DOCK1: variants seen among roughly 807,000 people sequenced by gnomAD.
DOCK1 encodes the protein dedicator of cytokinesis protein 1.
DOCK1 carries 138 observed loss-of-function variants against 262.7 expected under a neutral mutation model. That is an observed-to-expected ratio of 0.53 (90% CI 0.46 to 0.61). The LOEUF is 0.61. Among genes scored for constraint, DOCK1 ranks in the 20% least tolerant of loss-of-function variants. The probability of loss-of-function intolerance (pLI) is 0.00; values close to 1 mark genes in which losing one functional copy is unlikely to be tolerated. For missense variants in DOCK1, 1,908 were observed against 2,370.7 expected (o/e 0.80, Z 4.05); for synonymous variants, 866 against 867.4 (o/e 1.00, Z 0.03).
At chr10:127,320,721 G>A (rs1334567985) in intron 29 of DOCK1, among the ~76,000 whole-genome samples, 1 of 152,158 alleles carries the variant, frequency 6.6e-6, no homozygotes, top group Non-Finnish European at 1.5e-5. Context: ...CATTCACTTA[G>A]GCACTTGCTT....
At chr10:127,199,916 C>T (rs561124295) in intron 27 of DOCK1, among the ~76,000 whole-genome samples, 23 of 152,298 alleles carry the variant, frequency 1.5e-4, no homozygotes, top group Admixed American at 1.3e-3. Context: ...TGTGATTAAC[C>T]TGTATCCTCT....
chr10:127,354,860 C>G (rs2064062839), intron 32 of DOCK1, 133 bp downstream of exon 32: 1 of 1,041,732 alleles, frequency 9.6e-7, no homozygotes, highest in South Asian at 1.6e-5. Context: ...AGTTGCTACT[C>G]TTTGTAGTAA....
intron 1 of DOCK1, among the ~76,000 whole-genome samples, chr10:126,926,255 C>T (rs954869644): frequency 2.8e-5 from 4 of 145,158 alleles, no homozygotes; most frequent in Non-Finnish European, 6.1e-5. Flanking sequence ...TTCTTTCTTT[C>T]TTTTTTTTTT....
In DOCK1 at chr10:127,044,273, C is replaced by T. The variant is rs552574860; in HGVS notation, c.2201+1109C>T. ...CCTCCTGAAGCCAGCTGTTAATATACCCTGGTCCTGCACCTGGATTCTTTC... is the reference window on the plus strand; with the variant it reads ...CCTCCTGAAGCCAGCTGTTAATATATCCTGGTCCTGCACCTGGATTCTTTC... On this transcript the variant is annotated intron_variant, in intron 21 of 51. Transcript: ENST00000623213. Among the ~76,000 whole-genome samples, 159 of 152,246 alleles carry T rather than the reference C, an allele frequency of 1.0e-3. 1 individual carries two copies. The highest frequency in any genetic ancestry group is 3.5e-3 in the African/African-American group (146 of 41,544).
At chr10:127,015,361 C>T (rs536091153) in intron 12 of DOCK1, among the ~76,000 whole-genome samples, 1 of 152,192 alleles carries the variant, frequency 6.6e-6, no homozygotes, top group East Asian at 1.9e-4. Flanking sequence ...GCCCCCTCTG[C>T]CCCCGTCTCC....
chr10:127,196,062 C>A (rs1297920937), intron 27 of DOCK1: 1 of 152,158 alleles, frequency 6.6e-6, no homozygotes, highest in Non-Finnish European at 1.5e-5. Flanking sequence ...TCGCTGCGGA[C>A]CCTGGCAAGC....
At chr10:126,990,665 G>C (rs573258856) in intron 6 of DOCK1, 62 bp downstream of exon 6, 2 of 1,529,282 alleles carry the variant, frequency 1.3e-6, no homozygotes, top group South Asian at 2.6e-5. Context: ...ATCACTATAA[G>C]TCTTCAGGAG....
Position 127,402,739 on chromosome 10 carries a change from G to A in DOCK1, c.3928-316G>A, listed in dbSNP as rs753614987. 22 of 550,656 alleles carry A rather than the reference G, an allele frequency of 4.0e-5. No homozygotes were observed. The Middle Eastern group carries it at 1.2e-3, about 30-fold the overall frequency. The allele number at this position is 550,656 out of a possible 1,614,324, so 34.1% of individuals were successfully genotyped here. Reference sequence around the variant, plus strand: ...GCTCCAAGGCTGCTCCGACAGACGGGCTTCGGGCCACAGCTGGCAGCAGGA... The same window carrying A: ...GCTCCAAGGCTGCTCCGACAGACGGACTTCGGGCCACAGCTGGCAGCAGGA... On this transcript the variant is annotated intron_variant, in intron 38 of 51. Transcript: ENST00000623213.
At chr10:126,977,343 G>A (rs2134769294) in intron 2 of DOCK1, among the ~76,000 whole-genome samples, 1 of 152,308 alleles carries the variant, frequency 6.6e-6, no homozygotes, top group East Asian at 1.9e-4. Flanking sequence ...CTTGGAAGGA[G>A]CGAGAAGTGG....
chr10:127,355,758 C>G (rs1279566057), intron 32 of DOCK1, among the ~76,000 whole-genome samples: 1 of 152,216 alleles, frequency 6.6e-6, no homozygotes, highest in African/African-American at 2.4e-5. Context: ...GCACCCCAGC[C>G]TGCTTACTTC....
In DOCK1 at chr10:126,996,866, A is replaced by G. The variant is rs2040233543; in HGVS notation, c.592A>G (p.Arg198Gly). Residue 198 changes from arginine to glycine, a missense_variant, in exon 7 of 52, where the codon AGG (arginine) becomes GGG (glycine). Around this residue, in one of 9 missense-constraint regions of DOCK1, gnomAD observed 227 missense variants for 254.1 expected, o/e 0.89. Transcript: ENST00000623213. The part of the protein sequence containing the change: ...HEIASKQVEE[R>G]LQEEKSQKQN... ...AATAGCTTCTAAACAAGTGGAGGAA[A>G]GGTTACAAGAGGAAAAAGTAAGTTT... The G allele has an allele frequency of 1.9e-6, 3 of 1,596,982 alleles. No homozygotes were observed. Among genetic ancestry groups the G allele is most frequent in the Admixed American group, 1.8e-5 (1 of 56,080 alleles).
intron 32 of DOCK1, among the ~76,000 whole-genome samples, chr10:127,357,802 T>C (rs546968345): frequency 1.5e-4 from 23 of 152,136 alleles, no homozygotes; most frequent in African/African-American, 4.3e-4. Flanking sequence ...AGGGAGGTGA[T>C]CTTAAAAGCA....
chr10:127,311,739 A>G (rs1264538718), intron 29 of DOCK1, among the ~76,000 whole-genome samples: 3 of 152,108 alleles, frequency 2.0e-5, no homozygotes, highest in African/African-American at 7.2e-5. Flanking sequence ...AACTCCCTAC[A>G]CCCTCTATCT....
At chr10:127,027,549 G>A (rs1564744005) in intron 16 of DOCK1, among the ~76,000 whole-genome samples, 1 of 152,150 alleles carries the variant, frequency 6.6e-6, no homozygotes, top group Non-Finnish European at 1.5e-5. Flanking sequence ...TTGCACCACT[G>A]CACTTCAGCC....
At chr10:127,299,600 G>A (rs1003596136) in intron 29 of DOCK1, among the ~76,000 whole-genome samples, 5 of 152,334 alleles carry the variant, frequency 3.3e-5, no homozygotes, top group Admixed American at 6.5e-5. Flanking sequence ...AGGGAGCATC[G>A]CCTTGCCAGC....
At chr10:127,032,711 G>A (rs900642714) in intron 18 of DOCK1, among the ~76,000 whole-genome samples, 1 of 151,974 alleles carries the variant, frequency 6.6e-6, no homozygotes, top group Non-Finnish European at 1.5e-5. Context: ...GCAGCATCAC[G>A]CTTGGCTAAT....
intron 29 of DOCK1, among the ~76,000 whole-genome samples, chr10:127,336,909 C>T (rs373085389): frequency 1.3e-5 from 2 of 152,074 alleles, no homozygotes; most frequent in Non-Finnish European, 2.9e-5. Context: ...GAGCTTAATT[C>T]GAAGCAGCAT....
At chr10:127,245,152 A>G (rs867380602) in intron 27 of DOCK1, among the ~76,000 whole-genome samples, 2 of 152,222 alleles carry the variant, frequency 1.3e-5, no homozygotes, top group African/African-American at 4.8e-5. Flanking sequence ...GCCCAAAAAA[A>G]TACTGATAAC....
intron 29 of DOCK1, among the ~76,000 whole-genome samples, chr10:127,324,386 G>A (rs1484066385): frequency 1.3e-5 from 2 of 152,224 alleles, no homozygotes; most frequent in African/African-American, 2.4e-5. Context: ...CTGGAAAGTA[G>A]ATTTCTTGCA....
Sources: allele counts gnomAD v4.1 joint callset (sites outside exome capture counted in the v4.1 genomes callset), GRCh38; gene constraint gnomAD v4.1.1; regional missense constraint gnomAD v4.1.1; transcripts MANE v1.5; gene names NCBI Gene and HGNC (gene_info 2026-07-23, HGNC 2026-07-21).